PLEKHA2: variants seen among roughly 807,000 people sequenced by gnomAD.
The protein encoded by PLEKHA2 is pleckstrin homology domain-containing family A member 2.
In PLEKHA2, 28 loss-of-function variants were observed where a neutral mutation model predicts 53.2. The ratio of observed to expected loss-of-function variants is 0.53; its 90% CI spans 0.39 to 0.72. The LOEUF (loss-of-function observed/expected upper bound fraction) is 0.72. Among genes scored for constraint, PLEKHA2 ranks in the 30% least tolerant of loss-of-function variants. The pLI, the probability that PLEKHA2 is intolerant of heterozygous loss-of-function variation, is 0.00. For missense variants in PLEKHA2, 426 were observed against 537.9 expected, an observed-to-expected ratio of 0.79 and a Z score of 2.06; for synonymous variants, 193 against 196.4, an observed-to-expected ratio of 0.98 and a Z score of 0.14.
chr8:38,937,793 C>T (rs1280199469), intron 3 of PLEKHA2, among the ~76,000 whole-genome samples: 1 of 152,234 alleles, frequency 6.6e-6, no homozygotes, highest in East Asian at 1.9e-4. Context: ...CTCAGAGGCG[C>T]TGGACTCCAG....
At chr8:38,919,835 C>T (rs1323096537) in intron 2 of PLEKHA2, among the ~76,000 whole-genome samples, 5 of 152,194 alleles carry the variant, frequency 3.3e-5, no homozygotes, top group African/African-American at 9.6e-5. Flanking sequence ...ATTTGAAGTG[C>T]CTAGTATTCA....
rs536598583 is a variant in PLEKHA2, at chr8:38,929,915, G to T, written c.142-6079G>T. On this transcript the variant is annotated intron_variant, in intron 2 of 11. Coordinates refer to ENST00000617275, the MANE Select transcript of PLEKHA2 (RefSeq NM_021623.2). ...TCTTCTGGTCATTTCTGTGTTCTTTGTGACTCTCACTGGAAGAGGCGGAAG... is the reference window on the plus strand; with the variant it reads ...TCTTCTGGTCATTTCTGTGTTCTTTTTGACTCTCACTGGAAGAGGCGGAAG... 1.3e-4 allele frequency among the ~76,000 whole-genome samples: 20 copies of T among 152,288 alleles called. No individual in the cohort carries two copies. In the South Asian group the frequency reaches 3.7e-3, roughly 28 times the overall value.
At chr8:38,924,509 T>C (rs1834249067) in intron 2 of PLEKHA2, among the ~76,000 whole-genome samples, 1 of 152,208 alleles carries the variant, frequency 6.6e-6, no homozygotes, top group Non-Finnish European at 1.5e-5. Flanking sequence ...ATGGTTTCAC[T>C]GTGGGCCTGC....
chr8:38,921,135 G>C (rs1409098302), intron 2 of PLEKHA2, among the ~76,000 whole-genome samples: 2 of 152,160 alleles, frequency 1.3e-5, no homozygotes, highest in Non-Finnish European at 2.9e-5. Context: ...TTCTGCTTTG[G>C]CTGGAGTTAA....
intron 3 of PLEKHA2, among the ~76,000 whole-genome samples, chr8:38,938,073 A>C (rs1205527663): frequency 6.6e-6 from 1 of 152,218 alleles, no homozygotes; most frequent in Non-Finnish European, 1.5e-5. Context: ...AAACTAGAAA[A>C]TAATTAAAGC....
chr8:38,912,954 T>A (rs992068977), intron 1 of PLEKHA2, among the ~76,000 whole-genome samples: 2 of 152,164 alleles, frequency 1.3e-5, no homozygotes, highest in Non-Finnish European at 1.5e-5. Flanking sequence ...GTAACCTGAA[T>A]GCTTATCTTT....
rs1833864970 is a variant in PLEKHA2 at position 38,905,828 on chromosome 8, GC to G, written c.-24+4384del. Among the ~76,000 whole-genome samples, 6 of 152,094 alleles carry G rather than the reference GC, an allele frequency of 3.9e-5. No homozygotes were observed. The South Asian group carries it at 1.0e-3, about 26-fold the overall frequency. ...GCCTCCCAAGTAGCTGGGTCTACAG[GC>G]GCATGCCACCACGCCCAGCTAATTT... On this transcript the variant is annotated intron_variant, in intron 1 of 11. Coordinates refer to ENST00000617275, the MANE Select transcript of PLEKHA2 (RefSeq NM_021623.2).
chr8:38,912,638 G>T (rs1018685780), intron 1 of PLEKHA2, among the ~76,000 whole-genome samples: 1 of 152,168 alleles, frequency 6.6e-6, no homozygotes, highest in Non-Finnish European at 1.5e-5. Context: ...TGGATCTGGG[G>T]GCCTGGGGCA....
chr8:38,938,646 C>T (rs1057210426), intron 3 of PLEKHA2, among the ~76,000 whole-genome samples: 1 of 152,188 alleles, frequency 6.6e-6, no homozygotes, highest in African/African-American at 2.4e-5. Flanking sequence ...TACGGGGGAC[C>T]TGTGCCCACT....
At chr8:38,912,275 G>C (rs1038625584) in intron 1 of PLEKHA2, among the ~76,000 whole-genome samples, 1 of 152,244 alleles carries the variant, frequency 6.6e-6, no homozygotes, top group Non-Finnish European at 1.5e-5. Context: ...CTGCACTCCA[G>C]CCTGGGCGAC....
intron 5 of PLEKHA2, among the ~76,000 whole-genome samples, chr8:38,947,057 A>G (rs1241254830): frequency 6.6e-6 from 1 of 152,234 alleles, no homozygotes; most frequent in Non-Finnish European, 1.5e-5. Flanking sequence ...GTACACGTAT[A>G]TAGTATTCAT....
chr8:38,934,796 A>G (rs1834461623), intron 2 of PLEKHA2, among the ~76,000 whole-genome samples: 1 of 150,830 alleles, frequency 6.6e-6, no homozygotes, highest in African/African-American at 2.4e-5. Context: ...TAACAGCCCT[A>G]TGAGATGGGC....
At chr8:38,935,363 TC>T (rs1834474150) in intron 2 of PLEKHA2, among the ~76,000 whole-genome samples, 1 of 152,076 alleles carries the variant, frequency 6.6e-6, no homozygotes, top group African/African-American at 2.4e-5. Context: ...GGTGCTATTA[TC>T]CCTATTTTAC....
Position 38,970,560 on chromosome 8 carries a change from G to T in PLEKHA2, c.*777G>T. On this transcript the variant is annotated 3_prime_UTR_variant, in exon 12 of 12. Transcript: ENST00000617275. ...GCCTGTAATGCCAGTAGTTTGGGAG[G>T]CTGAGGCGGGTGGATCACCTGAGGT... 5.8e-6 allele frequency: 1 copy of T among 171,002 alleles called. No individual in the cohort carries two copies. The highest frequency in any genetic ancestry group is 9.4e-5 in the South Asian group (1 of 10,610). The allele number at this position is 171,002 out of a possible 1,614,324, so 10.6% of individuals were successfully genotyped here.
chr8:38,921,005 T>G (rs1588241763), intron 2 of PLEKHA2, among the ~76,000 whole-genome samples: 1 of 152,108 alleles, frequency 6.6e-6, no homozygotes, highest in Non-Finnish European at 1.5e-5. Context: ...TTCATCATAT[T>G]GGTCAGGCTG....
intron 10 of PLEKHA2, among the ~76,000 whole-genome samples, chr8:38,957,975 T>C (rs528629265): frequency 5.4e-4 from 82 of 152,340 alleles, no homozygotes; most frequent in African/African-American, 1.3e-3. Context: ...TGCCTAGCAG[T>C]GCACAGAGAG....
chr8:38,953,175 C>A, intron 8 of PLEKHA2, 122 bp from the exon 9 acceptor site: 2 of 811,728 alleles, frequency 2.5e-6, no homozygotes, highest in Non-Finnish European at 4.2e-6. Context: ...ATTTTGAGAC[C>A]AGATTATTTG....
intron 10 of PLEKHA2, among the ~76,000 whole-genome samples, chr8:38,967,720 G>T (rs552131713): frequency 1.3e-5 from 2 of 150,950 alleles, no homozygotes; most frequent in Non-Finnish European, 2.9e-5. Context: ...GGAGTGCAGT[G>T]GTGTGATCTC....
At position 38,921,032 on chromosome 8, in the gene PLEKHA2, G is replaced by A. The variant is rs558023656; in HGVS notation, c.141+2962G>A. Among the ~76,000 whole-genome samples the A allele has an allele frequency of 2.0e-4, 31 of 151,542 alleles. 1 individual carries two copies. The highest frequency in any genetic ancestry group is 6.8e-4 in the African/African-American group (28 of 41,316). On this transcript the variant is annotated intron_variant, in intron 2 of 11. Transcript: ENST00000617275. ...GTCAGGCTGGTCTTGAACTCCTGAC[G>A]TCAGGTGATCCACCGGCCTCGGCCT...
Sources: allele counts gnomAD v4.1 joint callset (sites outside exome capture counted in the v4.1 genomes callset), GRCh38; gene constraint gnomAD v4.1.1; transcripts MANE v1.5; gene names NCBI Gene and HGNC (gene_info 2026-07-23, HGNC 2026-07-21).